Variants in TMC4 observed in about 807,000 individuals in gnomAD.
TMC4 encodes transmembrane channel like 4.
In TMC4, 70 loss-of-function variants were observed where a neutral mutation model predicts 82.0. The observed-to-expected ratio is 0.85, with a 90% CI of 0.70 to 1.04. TMC4 has a LOEUF of 1.04. Among genes scored for constraint, TMC4 ranks in the 50% least tolerant of loss-of-function variants. The probability of loss-of-function intolerance (pLI) is 0.00; values close to 1 mark genes in which losing one functional copy is unlikely to be tolerated. For synonymous variants in TMC4, 446 were observed against 406.0 expected, an observed-to-expected ratio of 1.10 and a Z score of -1.18; for missense variants, 879 against 899.0, an observed-to-expected ratio of 0.98 and a Z score of 0.28.
chr19:54,166,317 C>T (rs1444053018), intron 5 of TMC4, among the ~76,000 whole-genome samples: 2 of 102,220 alleles, frequency 2.0e-5, no homozygotes, highest in Non-Finnish European at 3.8e-5. Context: ...AGGTGGAGGT[C>T]GCCTCCAAAA....
chr19:54,160,814 C>T lies in TMC4; in HGVS notation c.1973+64G>A. 2.5e-6 allele frequency: 4 copies of T among 1,582,024 alleles called. No individual in the cohort carries two copies. The South Asian group carries it at 3.4e-5, about 14-fold the overall frequency. On this transcript the variant is annotated intron_variant, in intron 13 of 14. Transcript: ENST00000619895. Reference sequence around the variant, plus strand: ...ACGCCCAAGCCTCTCCTCTCTTGGACGCAGGTGGTGGCCCCCAGATCACAC... The same window carrying T: ...ACGCCCAAGCCTCTCCTCTCTTGGATGCAGGTGGTGGCCCCCAGATCACAC...
intron 2 of TMC4, 92 bp downstream of exon 2, chr19:54,171,778 C>A (rs1300148615): frequency 2.5e-6 from 3 of 1,191,704 alleles, no homozygotes; most frequent in South Asian, 1.6e-5. Flanking sequence ...AAGCCAGGAG[C>A]GGCAGAGGAC....
Position 54,160,341 on chromosome 19 carries a change from C to T in TMC4, c.2086G>A (p.Ala696Thr). ...AQNKVFLARR[A>T]VALTSTKPAL ...GGTTTGGTGGAGGTCAGCGCCACAG[C>T]GCGCCGTGCCAGGAAGACTTTATTC... The change falls in exon 15 of 15, where the codon GCT becomes ACT. Residue 696 changes from alanine to threonine, a missense_variant. Coordinates refer to ENST00000619895, the MANE Select transcript of TMC4 (RefSeq NM_144686.4). 6.6e-7 allele frequency: 1 copy of T among 1,523,712 alleles called. No individual in the cohort carries two copies. The highest frequency in any genetic ancestry group is 8.8e-7 in the Non-Finnish European group (1 of 1,136,396). 94.4% of individuals were successfully genotyped at this position (1,523,712 alleles called of 1,614,324 possible).
chr19:54,169,281 C>T (rs570157740), intron 3 of TMC4, among the ~76,000 whole-genome samples: 1 of 151,700 alleles, frequency 6.6e-6, no homozygotes, highest in Admixed American at 6.6e-5. Flanking sequence ...GTGATCCACC[C>T]ACCTCGGCCT....
intron 7 of TMC4, 32 bp downstream of exon 7, chr19:54,164,402 C>A (rs371539421): frequency 6.3e-7 from 1 of 1,582,496 alleles, no homozygotes; most frequent in South Asian, 1.1e-5. Context: ...GTTCCAGGAC[C>A]CCCTGGCTTC....
At chr19:54,162,027 T>G in intron 11 of TMC4, 75 bp downstream of exon 11, 2 of 1,343,442 alleles carry the variant, frequency 1.5e-6, no homozygotes, top group Middle Eastern at 1.8e-4. Context: ...CCCCAGGATC[T>G]TCCTTGCCCT....
At chr19:54,172,680 C>T in intron 1 of TMC4, 1 of 287,372 alleles carries the variant, frequency 3.5e-6, no homozygotes, top group South Asian at 9.2e-5. Context: ...GTCCACAGCC[C>T]TCAACTCCAT....
chr19:54,171,842 C>A, intron 2 of TMC4, 28 bp downstream of exon 2: 1 of 1,564,068 alleles, frequency 6.4e-7, no homozygotes. Flanking sequence ...CCGGGCTGTG[C>A]GGGTCCCAGC....
intron 5 of TMC4, among the ~76,000 whole-genome samples, chr19:54,166,952 CAA>C (rs35524179): frequency 7.9e-5 from 11 of 139,224 alleles, no homozygotes; most frequent in Non-Finnish European, 1.1e-4. Flanking sequence ...GACTCCGTCT[CAA>C]AAAAAAAAAA....
In TMC4 at chr19:54,160,969, C is replaced by T. The variant is rs1266719860; in HGVS notation, c.1882G>A (p.Glu628Lys). 5 of 1,614,166 alleles carry T rather than the reference C, an allele frequency of 3.1e-6. 1 individual carries two copies. The highest frequency in any genetic ancestry group is 2.2e-5 in the South Asian group (2 of 91,082). The change falls in exon 13 of 15, where the codon GAG (glutamate) becomes AAG (lysine). Residue 628 changes from glutamate to lysine, a missense_variant. Coordinates refer to ENST00000619895, the MANE Select transcript of TMC4 (RefSeq NM_144686.4). ...GTCTCAGGGAGGCTGGAAATAGACT[C>T]AGGGATCTGGGCCCAGATGGACGAC... ...GQSSIWAQIP[E>K]SISSLPETTQ... is the part of the protein sequence containing the mutation.
intron 2 of TMC4, among the ~76,000 whole-genome samples, chr19:54,170,700 A>G (rs1288074220): frequency 6.6e-6 from 1 of 151,992 alleles, no homozygotes; most frequent in Middle Eastern, 3.2e-3. Context: ...TGGTGCAATC[A>G]TAGCTCAATG....
Position 54,163,150 on chromosome 19 carries a change from A to G in TMC4, c.1287T>C (p.Phe429=). Residue 429 remains phenylalanine, a synonymous_variant, in exon 9 of 15, where the codon TTT becomes TTC. Coordinates refer to ENST00000619895, the MANE Select transcript of TMC4 (RefSeq NM_144686.4). ...GGACCACCAGGGAGGCGAGGCGAAG[A>G]AACACGGTCCTGAAGGGGGGAAGGC... ...QIVFILLRTV[F]LRLASLVVLL... The G allele has an allele frequency of 6.2e-7, 1 of 1,613,892 alleles. No individual in the cohort carries two copies. The highest frequency in any genetic ancestry group is 1.1e-5 in the South Asian group (1 of 91,070).
chr19:54,162,386 T>TTGGG, intron 10 of TMC4, 101 bp from the exon 11 acceptor site: 1 of 350,858 alleles, frequency 2.9e-6, no homozygotes, highest in Non-Finnish European at 4.9e-6. Flanking sequence ...TGCGTATTGG[T>TTGGG]GGTGGGGGGG....
At chr19:54,164,329 T>A in intron 7 of TMC4, 105 bp downstream of exon 7, 1 of 1,397,398 alleles carries the variant, frequency 7.2e-7, no homozygotes, top group Middle Eastern at 2.6e-4. Context: ...TCTCCCATAC[T>A]TCCTCTCTAA....
Position 54,162,253 on chromosome 19 carries a change from C to T in TMC4, c.1535G>A (p.Gly512Asp). The change falls in exon 11 of 15, where the codon GGT becomes GAT. Residue 512 changes from glycine (G) to aspartate (D), a missense_variant. Transcript: ENST00000619895. ...GAACTCTTGGGTCCCCGCCAGACGA[C>T]CCAGCGCCCCAGGACAGAGGCCACA... ...LLCGLCPGAL[G>D]RLAGTQEFQV... is the part of the protein sequence containing the mutation. 2 of 1,604,878 alleles carry T rather than the reference C, an allele frequency of 1.2e-6. No individual in the cohort carries two copies. The highest frequency in any genetic ancestry group is 1.7e-6 in the Non-Finnish European group (2 of 1,176,394).
rs2075754199 is a variant in TMC4, at chr19:54,168,275, G to A, written c.693C>T (p.Ser231=). 1 of 1,554,702 alleles carries A rather than the reference G, an allele frequency of 6.4e-7. No homozygotes were observed. Among genetic ancestry groups the A allele is most frequent in the East Asian group, 2.4e-5 (1 of 41,204 alleles). ...GCGGGTAGAAGCCATAGAAGAGAGG[G>A]GACCATTCCAGGTAACCCTGTGGGG... is the stretch of plus-strand genomic sequence containing the variant. ...LLSGEGYLEW[S]PLFYGFYPPR... is the part of the protein sequence containing the mutation. Residue 231 remains serine (S), a synonymous_variant, in exon 5 of 15, where the codon TCC becomes TCT. Coordinates refer to ENST00000619895, the MANE Select transcript of TMC4 (RefSeq NM_144686.4).
chr19:54,168,346 A>G, intron 4 of TMC4, 54 bp from the exon 5 acceptor site: 5 of 1,537,936 alleles, frequency 3.3e-6, no homozygotes, highest in Non-Finnish European at 4.4e-6. Context: ...GGGCTCCTGG[A>G]GCTGCACAGT....
In TMC4 at chr19:54,162,789, T is replaced by C. The variant is rs766942108; in HGVS notation, c.1405-19A>G. The stretch of plus-strand genomic sequence containing the variant: ...CCCAGCACTGAAGAAGGAAGAAATA[T>C]ATCAGAAAGAACTCGGGACCCGGGC... On this transcript the variant is annotated intron_variant, in intron 9 of 14. Transcript: ENST00000619895. 1.3e-5 allele frequency: 21 copies of C among 1,609,970 alleles called. 1 individual carries two copies. In the East Asian group the frequency reaches 4.5e-4, roughly 34 times the overall value.
chr19:54,164,315 A>C (rs1444119358), intron 7 of TMC4, 119 bp downstream of exon 7: 4 of 1,278,790 alleles, frequency 3.1e-6, no homozygotes, highest in Non-Finnish European at 4.4e-6. Context: ...GTCCGAACAT[A>C]CCCTCTCCCA....
Sources: gnomAD v4.1 joint callset for allele counts (sites outside exome capture counted in the v4.1 genomes callset) on GRCh38, gnomAD v4.1.1 for gene constraint, MANE v1.5 for transcripts, NCBI Gene and HGNC (gene_info 2026-07-23, HGNC 2026-07-21) for gene names.